RBCK1: variants seen among roughly 807,000 people sequenced by gnomAD.
RBCK1 encodes the protein RANBP2-type and C3HC4-type zinc finger containing 1.
RBCK1 carries 44 observed loss-of-function variants against 71.1 expected under a neutral mutation model. The ratio of observed to expected loss-of-function variants is 0.62; its 90% confidence interval spans 0.49 to 0.80. The LOEUF (loss-of-function observed/expected upper bound fraction) is 0.80. RBCK1 is among the 30% of genes least tolerant of loss of function. The probability of loss-of-function intolerance (pLI) is 0.00; values close to 1 mark genes in which losing one functional copy is unlikely to be tolerated. For synonymous variants in RBCK1, 306 were observed against 279.7 expected (o/e 1.09, Z -0.94); for missense variants, 569 against 685.0 (o/e 0.83, Z 1.89).
chr20:416,819 A>C (rs1263947195), intron 2 of RBCK1, among the ~76,000 whole-genome samples: 1 of 152,206 alleles, frequency 6.6e-6, no homozygotes, highest in African/African-American at 2.4e-5. Flanking sequence ...CAACATAGTG[A>C]GACCCTGTCT....
chr20:420,875 A>G lies in RBCK1; in HGVS notation c.761A>G (p.Lys254Arg). Residue 254 changes from lysine to arginine, a missense_variant, in exon 7 of 12, where the codon AAG (lysine) becomes AGG (arginine). This residue lies in a region of RBCK1 where 358 missense variants were observed against 375.6 expected (regional missense o/e 0.95). Transcript: ENST00000356286. ...GGCCCCGCCCCGTGTGCCCAGCGGAAGCAGCAGCAGCAGGAGGGGAACTAC... is the reference window on the plus strand; with the variant it reads ...GGCCCCGCCCCGTGTGCCCAGCGGAGGCAGCAGCAGCAGGAGGGGAACTAC... ...EEALRQYQQRKQQQQEGNYLQ... is the reference protein window; with the variant it reads ...EEALRQYQQRRQQQQEGNYLQ... 1 of 1,546,776 alleles carries G rather than the reference A, an allele frequency of 6.5e-7. No homozygotes were observed. The highest frequency in any genetic ancestry group is 8.7e-7 in the Non-Finnish European group (1 of 1,147,768).
Position 430,341 on chromosome 20 carries a change from A to AGGAGG in RBCK1, c.1453-9_1453-8insGGAGG. 1 of 1,599,926 alleles carries AGGAGG rather than the reference A, an allele frequency of 6.3e-7. No homozygotes were observed. Among genetic ancestry groups the AGGAGG allele is most frequent in the Non-Finnish European group, 8.6e-7 (1 of 1,167,276 alleles). ...GCTGACATTCTCTTCTCTTCCTCCC[A>AGGAGG]TCCTCTAGGGCCCAGGAGACACCAG... On this transcript the variant is annotated splice_polypyrimidine_tract_variant and intron_variant, in intron 11 of 11. Coordinates refer to ENST00000356286, the MANE Select transcript of RBCK1 (RefSeq NM_031229.4). This position sits in a 1 kb window ranked among gnomAD's most constrained non-coding sequence, Gnocchi z 5.6.
rs2016864486 is a variant in RBCK1, at chr20:428,746, T to G, written c.1308+157T>G. On this transcript the variant is annotated intron_variant, in intron 10 of 11. Coordinates refer to ENST00000356286, the MANE Select transcript of RBCK1 (RefSeq NM_031229.4). This position sits in a 1 kb window ranked among gnomAD's most constrained non-coding sequence, Gnocchi z 5.7. ...ATCCGGAGGTGGGACTTAGGCCGAA[T>G]GGTCATGTCAGGAAGAGCGTCTGGG... is the stretch of plus-strand genomic sequence containing the variant. 2 of 1,393,340 alleles carry G rather than the reference T, an allele frequency of 1.4e-6. No individual in the cohort carries two copies. Among genetic ancestry groups the G allele is most frequent in the African/African-American group, 2.9e-5 (2 of 68,510 alleles). 86.3% of individuals were successfully genotyped at this position (1,393,340 alleles called of 1,614,324 possible).
At position 408,658 on chromosome 20, in the gene RBCK1, G is replaced by T; in HGVS notation, c.-100G>T. 6.6e-7 allele frequency: 1 copy of T among 1,511,646 alleles called. No individual in the cohort carries two copies. The highest frequency in any genetic ancestry group is 9.0e-7 in the Non-Finnish European group (1 of 1,108,736). The allele number at this position is 1,511,646 out of a possible 1,614,324, so 93.6% of individuals were successfully genotyped here. A position where few individuals can be genotyped will look rare whatever the true frequency, so the allele number is the denominator to read the frequency against. On this transcript the variant is annotated 5_prime_UTR_variant, in exon 1 of 12. Coordinates refer to ENST00000356286, the MANE Select transcript of RBCK1 (RefSeq NM_031229.4). ...GCCGCGCCGGAGGCCACACGGCCTGGCTGAGTTGCTCCTGGTCTCCCGCCT... is the reference window on the plus strand; with the variant it reads ...GCCGCGCCGGAGGCCACACGGCCTGTCTGAGTTGCTCCTGGTCTCCCGCCT...
rs2016466796 is a variant in RBCK1 at position 422,042 on chromosome 20, G to A, written c.918-85G>A. On this transcript the variant is annotated intron_variant, in intron 7 of 11. Coordinates refer to ENST00000356286, the MANE Select transcript of RBCK1 (RefSeq NM_031229.4). This position sits in a 1 kb window ranked among gnomAD's most constrained non-coding sequence, Gnocchi z 5.0. ...CTGGGGTGACTGAGTGAGGCCCCTG[G>A]GGTCAGGCCTTGCCATGTGAGGGAT... is the stretch of plus-strand genomic sequence containing the variant. 2 of 1,032,378 alleles carry A rather than the reference G, an allele frequency of 1.9e-6. No individual in the cohort carries two copies. The highest frequency in any genetic ancestry group is 2.9e-6 in the Non-Finnish European group (2 of 684,414). 64.0% of individuals were successfully genotyped at this position (1,032,378 alleles called of 1,614,324 possible). A position where few individuals can be genotyped will look rare whatever the true frequency, so the allele number is the denominator to read the frequency against.
rs2016081222 is a variant in RBCK1, at chr20:417,717, CTT to C, written c.262-13_262-12del. ...GGCCCTCCCTTCCCACTCTCCCTCT[CTT>C]TGCCCCCACCAGGTTTTTCTGGACT... On this transcript the variant is annotated splice_polypyrimidine_tract_variant and intron_variant, in intron 3 of 11. Transcript: ENST00000356286. The surrounding 1 kb of genome is among the most constrained non-coding windows in gnomAD (Gnocchi z 4.7). 10 of 1,609,442 alleles carry C rather than the reference CTT, an allele frequency of 6.2e-6. No homozygotes were observed. The East Asian group carries it at 2.2e-4, about 36-fold the overall frequency.
Position 408,321 on chromosome 20 carries a change from A to T in RBCK1, c.-437A>T, listed in dbSNP as rs1011912332. ...GCCACTTTCACTTTCTCTTCCGCCG[A>T]AGCCGCTCCCCTTGCGAAGAACTGG... On this transcript the variant is annotated 5_prime_UTR_variant, in exon 1 of 12. Coordinates refer to ENST00000356286, the MANE Select transcript of RBCK1 (RefSeq NM_031229.4). 11 of 196,200 alleles carry T rather than the reference A, an allele frequency of 5.6e-5. No individual in the cohort carries two copies. Among genetic ancestry groups the T allele is most frequent in the Middle Eastern group, 1.9e-3 (1 of 540 alleles). 12.2% of individuals were successfully genotyped at this position (196,200 alleles called of 1,614,324 possible).
intron 2 of RBCK1, among the ~76,000 whole-genome samples, chr20:413,905 G>C (rs2015844187): frequency 7.8e-6 from 1 of 127,552 alleles, no homozygotes; most frequent in Non-Finnish European, 1.6e-5. Flanking sequence ...AAAAAGATAA[G>C]AGACAAATCA....
At chr20:424,005 C>T (rs932580360) in intron 8 of RBCK1, among the ~76,000 whole-genome samples, 3 of 152,210 alleles carry the variant, frequency 2.0e-5, no homozygotes, top group Non-Finnish European at 1.5e-5. Flanking sequence ...TAAGTCTGCT[C>T]ATTTCTCACT....
chr20:419,284 A>AC (rs1170933303), intron 4 of RBCK1, 63 bp from the exon 5 acceptor site: 3 of 1,601,900 alleles, frequency 1.9e-6, no homozygotes, highest in Non-Finnish European at 2.6e-6. Context: ...AGGGAGACCC[A>AC]CCCCCATGGG....
Position 417,215 on chromosome 20 carries a change from C to A in RBCK1, c.168-311C>A. 1 of 577,370 alleles carries A rather than the reference C, an allele frequency of 1.7e-6. No homozygotes were observed. Among genetic ancestry groups the A allele is most frequent in the South Asian group, 1.5e-5 (1 of 66,174 alleles). The allele number at this position is 577,370 out of a possible 1,614,324, so 35.8% of individuals were successfully genotyped here. ...TTAACAACAACTTCTGGTGGTTTCA[C>A]TAAGGAGCAGGGGAGAGAAGACAGA... On this transcript the variant is annotated intron_variant, in intron 2 of 11. Transcript: ENST00000356286. The surrounding 1 kb of genome is among the most constrained non-coding windows in gnomAD (Gnocchi z 4.7).
In RBCK1 at chr20:409,954, C is replaced by A; in HGVS notation, c.96C>A (p.Ile32=). The A allele has an allele frequency of 6.2e-7, 1 of 1,614,172 alleles. No homozygotes were observed. The highest frequency in any genetic ancestry group is 8.5e-7 in the Non-Finnish European group (1 of 1,180,042). ...AACAGGTGGCAATGAAGTGTGCCAT[C>A]TGGCTGGCAGAGCAACGGGTGCCCC... is the stretch of plus-strand genomic sequence containing the variant. ...GDEQVAMKCA[I]WLAEQRVPLS... is the part of the protein sequence containing the mutation. Residue 32 remains isoleucine, a synonymous_variant, in exon 2 of 12, where the codon ATC becomes ATA. Transcript: ENST00000356286.
Position 408,659 on chromosome 20 carries a change from C to A in RBCK1, c.-99C>A. On this transcript the variant is annotated 5_prime_UTR_variant, in exon 1 of 12. The change creates a new upstream start codon in the 5' untranslated region. Coordinates refer to ENST00000356286, the MANE Select transcript of RBCK1 (RefSeq NM_031229.4). ...CCGCGCCGGAGGCCACACGGCCTGGCTGAGTTGCTCCTGGTCTCCCGCCTC... is the reference window on the plus strand; with the variant it reads ...CCGCGCCGGAGGCCACACGGCCTGGATGAGTTGCTCCTGGTCTCCCGCCTC... 6.6e-7 allele frequency: 1 copy of A among 1,514,036 alleles called. No homozygotes were observed. Among genetic ancestry groups the A allele is most frequent in the Non-Finnish European group, 9.0e-7 (1 of 1,110,386 alleles). The allele number at this position is 1,514,036 out of a possible 1,614,324, so 93.8% of individuals were successfully genotyped here. A position where few individuals can be genotyped will look rare whatever the true frequency, so the allele number is the denominator to read the frequency against.
At chr20:423,256 G>T (rs1036066841) in intron 8 of RBCK1, among the ~76,000 whole-genome samples, 9 of 152,164 alleles carry the variant, frequency 5.9e-5, no homozygotes, top group Admixed American at 4.6e-4. Flanking sequence ...CTGAGATCGC[G>T]CCATTGCACT....
chr20:419,053 G>A (rs1423244741), intron 4 of RBCK1, among the ~76,000 whole-genome samples: 1 of 152,216 alleles, frequency 6.6e-6, no homozygotes, highest in Admixed American at 6.5e-5. Context: ...TGGCAGGACC[G>A]CCTCAGCGGT....
chr20:418,623 C>T (rs1366520849), intron 4 of RBCK1, among the ~76,000 whole-genome samples: 1 of 152,238 alleles, frequency 6.6e-6, no homozygotes, highest in Non-Finnish European at 1.5e-5. Flanking sequence ...CCGCCTCGGC[C>T]TCCCAAAGTG....
At position 429,114 on chromosome 20, in the gene RBCK1, G is replaced by A. The variant is rs779282200; in HGVS notation, c.1452+20G>A. ...CCTGGGGTGAGTCTTTGCTCGTGGT[G>A]GTGTGGAGAGGGTGCCCTTGTGGGC... On this transcript the variant is annotated intron_variant, in intron 11 of 11. Transcript: ENST00000356286. 3 of 1,601,080 alleles carry A rather than the reference G, an allele frequency of 1.9e-6. No homozygotes were observed. Among genetic ancestry groups the A allele is most frequent in the East Asian group, 2.2e-5 (1 of 44,668 alleles).
At position 417,619 on chromosome 20, in the gene RBCK1, G is replaced by A. The variant is rs1555785164; in HGVS notation, c.261G>A (p.Met87Ile). 11 of 1,612,994 alleles carry A rather than the reference G, an allele frequency of 6.8e-6. No homozygotes were observed. The highest frequency in any genetic ancestry group is 8.5e-6 in the Non-Finnish European group (10 of 1,179,120). ...PDMTVASLKD[M>I]VFLDYGFPPV... ...TGACAGTGGCGTCTCTCAAGGACATGGTGAGTGAGGAGGCGGAGGGCGACA... is the reference window on the plus strand; with the variant it reads ...TGACAGTGGCGTCTCTCAAGGACATAGTGAGTGAGGAGGCGGAGGGCGACA... Residue 87 changes from methionine (M) to isoleucine (I), a missense_variant and splice_region_variant, in exon 3 of 12, where the codon ATG becomes ATA. This residue lies in a region of RBCK1 where 358 missense variants were observed against 375.6 expected (regional missense o/e 0.95). Coordinates refer to ENST00000356286, the MANE Select transcript of RBCK1 (RefSeq NM_031229.4). The surrounding 1 kb of genome is among the most constrained non-coding windows in gnomAD (Gnocchi z 4.7).
chr20:417,822 G>A lies in RBCK1; in HGVS notation c.352G>A (p.Gly118Arg). 6.2e-7 allele frequency: 1 copy of A among 1,614,094 alleles called. No homozygotes were observed. The highest frequency in any genetic ancestry group is 8.5e-7 in the Non-Finnish European group (1 of 1,180,012). ...ARDQETLHSH[G>R]VRQNGDSAYL... The stretch of plus-strand genomic sequence containing the variant: ...AGACCAGGAGACCCTGCACTCCCAT[G>A]GGGTGCGGCAGAATGGGGACAGTGC... The change falls in exon 4 of 12, where the codon GGG becomes AGG. Residue 118 changes from glycine (G) to arginine (R), a missense_variant. Gly to Arg is a moderately radical substitution (Grantham distance 125). Coordinates refer to ENST00000356286, the MANE Select transcript of RBCK1 (RefSeq NM_031229.4). This position sits in a 1 kb window ranked among gnomAD's most constrained non-coding sequence, Gnocchi z 4.7.
Sources: gnomAD v4.1 joint callset for allele counts (sites outside exome capture counted in the v4.1 genomes callset) on GRCh38, gnomAD v4.1.1 for gene constraint, gnomAD v4.1.1 regional missense constraint, Gnocchi (gnomAD v3.1) non-coding constraint, MANE v1.5 for transcripts, NCBI Gene and HGNC (gene_info 2026-07-23, HGNC 2026-07-21) for gene names.